RHCG: variants seen among roughly 807,000 people sequenced by gnomAD.
The protein encoded by RHCG is Rh family C glycoprotein, also known as ammonium transporter Rh type C.
RHCG carries 39 observed loss-of-function variants against 55.3 expected under a neutral mutation model. The observed-to-expected ratio is 0.70, with a 90% CI of 0.55 to 0.92. The LOEUF is 0.92. Ranked by LOEUF, RHCG falls within the 40% of genes least tolerant of loss-of-function variation. The pLI is 0.00. For synonymous variants in RHCG, 250 were observed against 246.8 expected (o/e 1.01, Z -0.12); for missense variants, 635 against 627.9 (o/e 1.01, Z -0.12).
rs139241842 is a variant in RHCG, at chr15:89,488,944, A to G, written c.185-1959T>C. Among the ~76,000 whole-genome samples the G allele has an allele frequency of 9.4e-4, 143 of 152,284 alleles. 1 individual carries two copies. The highest frequency in any genetic ancestry group is 2.8e-3 in the Admixed American group (43 of 15,288). On this transcript the variant is annotated intron_variant, in intron 1 of 10. Coordinates refer to ENST00000268122, the MANE Select transcript of RHCG (RefSeq NM_016321.3). The stretch of plus-strand genomic sequence containing the variant: ...GAAGAGAATATCCCCCTTCTTAGGA[A>G]ATATACTGGAATAGTTAAGGGTAGA...
intron 1 of RHCG, among the ~76,000 whole-genome samples, chr15:89,487,519 C>T (rs1961397803): frequency 6.6e-6 from 1 of 152,192 alleles, no homozygotes; most frequent in African/African-American, 2.4e-5. Context: ...CAATGCTCAT[C>T]CGGCCAAGGA....
At chr15:89,483,990 G>A (rs1285618019) in intron 2 of RHCG, among the ~76,000 whole-genome samples, 3 of 152,216 alleles carry the variant, frequency 2.0e-5, no homozygotes, top group Non-Finnish European at 4.4e-5. Flanking sequence ...CCCAAGCCTG[G>A]CCTCCTTGTC....
chr15:89,479,562 T>G (rs1961226812), intron 4 of RHCG, 74 bp from the exon 5 acceptor site: 1 of 1,378,696 alleles, frequency 7.3e-7, no homozygotes, highest in Non-Finnish European at 9.9e-7. Flanking sequence ...CAGGCAGGCA[T>G]CCTGTCCTTT....
chr15:89,477,030 A>G lies in RHCG; in HGVS notation c.1237+52T>C. On this transcript the variant is annotated intron_variant, in intron 8 of 10. Transcript: ENST00000268122. This position sits in a 1 kb window ranked among gnomAD's most constrained non-coding sequence, Gnocchi z 4.5. Reference sequence around the variant, plus strand: ...CCGCATGCCCTTTGCTTCTCCACCCAGGGAGCCCCACAGCAGCACCCCCCT... The same window carrying G: ...CCGCATGCCCTTTGCTTCTCCACCCGGGGAGCCCCACAGCAGCACCCCCCT... 6.2e-7 allele frequency: 1 copy of G among 1,611,294 alleles called. No homozygotes were observed. The highest frequency in any genetic ancestry group is 2.2e-5 in the East Asian group (1 of 44,826).
At chr15:89,479,655 T>A in intron 4 of RHCG, 167 bp from the exon 5 acceptor site, 1 of 637,416 alleles carries the variant, frequency 1.6e-6, no homozygotes, top group Non-Finnish European at 2.7e-6. Context: ...AGGCCCTCCC[T>A]GCCTTCCTTA....
intron 9 of RHCG, among the ~76,000 whole-genome samples, chr15:89,475,818 A>C (rs1961137568): frequency 6.6e-6 from 1 of 152,158 alleles, no homozygotes; most frequent in Non-Finnish European, 1.5e-5. Flanking sequence ...GAATGCTGTC[A>C]AAGCTCCCTA....
chr15:89,475,526 A>G (rs1961132259), intron 9 of RHCG, among the ~76,000 whole-genome samples: 1 of 152,176 alleles, frequency 6.6e-6, no homozygotes, highest in Admixed American at 6.5e-5. Flanking sequence ...GATTATAGGC[A>G]TGAGCCACTG....
chr15:89,473,606 CA>C (rs1328774859), intron 9 of RHCG, among the ~76,000 whole-genome samples: 2 of 151,960 alleles, frequency 1.3e-5, no homozygotes, highest in Non-Finnish European at 2.9e-5. Context: ...AAAGCAACAA[CA>C]AAAAATGACA....
intron 3 of RHCG, among the ~76,000 whole-genome samples, chr15:89,482,051 C>T (rs1273027989): frequency 6.6e-6 from 1 of 152,238 alleles, no homozygotes; most frequent in Non-Finnish European, 1.5e-5. Flanking sequence ...ATCTGCCTGC[C>T]TCGGCCTCCC....
chr15:89,475,196 T>TG, intron 9 of RHCG, among the ~76,000 whole-genome samples: 1 of 96,006 alleles, frequency 1.0e-5, no homozygotes, highest in South Asian at 3.8e-4. Flanking sequence ...CTGCCTTCCT[T>TG]CCTTCTTTCC....
chr15:89,493,885 C>A (rs1961519903), intron 1 of RHCG, among the ~76,000 whole-genome samples: 1 of 152,140 alleles, frequency 6.6e-6, no homozygotes, highest in Non-Finnish European at 1.5e-5. Flanking sequence ...ACACCACCTC[C>A]CTCACAGGTG....
chr15:89,484,980 AG>A (rs1161207490), intron 2 of RHCG, among the ~76,000 whole-genome samples: 1 of 152,010 alleles, frequency 6.6e-6, no homozygotes, highest in East Asian at 1.9e-4. Flanking sequence ...AGCCAGGGGG[AG>A]GGTCCACATC....
At chr15:89,475,818 A>G (rs1961137568) in intron 9 of RHCG, among the ~76,000 whole-genome samples, 1 of 152,276 alleles carries the variant, frequency 6.6e-6, no homozygotes, top group East Asian at 1.9e-4. Flanking sequence ...GAATGCTGTC[A>G]AAGCTCCCTA....
At chr15:89,472,393 C>G (rs1390579857) in intron 10 of RHCG, among the ~76,000 whole-genome samples, 1 of 152,286 alleles carries the variant, frequency 6.6e-6, no homozygotes, top group East Asian at 1.9e-4. Context: ...GGCCCAGTCT[C>G]TGGGGTGAAG....
In RHCG at chr15:89,472,686, T is replaced by G. The variant is rs748081546; in HGVS notation, c.*24+25A>C. 46 of 1,591,412 alleles carry G rather than the reference T, an allele frequency of 2.9e-5. No individual in the cohort carries two copies. The East Asian group carries it at 8.8e-4, about 31-fold the overall frequency. ...CCCCACTGGGAGAACCTCCCTGTCA[T>G]CCCCCAAGCCAAGCCCATGCTCACC... On this transcript the variant is annotated intron_variant, in intron 10 of 10. Transcript: ENST00000268122.
intron 1 of RHCG, among the ~76,000 whole-genome samples, chr15:89,489,017 G>T (rs1211791726): frequency 1.3e-5 from 2 of 152,158 alleles, no homozygotes; most frequent in Non-Finnish European, 2.9e-5. Flanking sequence ...GAAAAACAAA[G>T]CACACATGTG....
Position 89,486,794 on chromosome 15 carries a change from C to G in RHCG, c.371+5G>C. ...CCACGCCCCCGGGGCCCGCCCTGCG[C>G]TCACTTCTCCACGCCCACGACGATG... On this transcript the variant is annotated splice_donor_5th_base_variant and intron_variant, in intron 2 of 10. Transcript: ENST00000268122. The G allele has an allele frequency of 1.3e-6, 2 of 1,582,900 alleles. No homozygotes were observed. The highest frequency in any genetic ancestry group is 2.7e-5 in the African/African-American group (2 of 74,436).
intron 9 of RHCG, among the ~76,000 whole-genome samples, chr15:89,473,278 A>AAACTG (rs1335842701): frequency 6.6e-6 from 1 of 152,216 alleles, no homozygotes; most frequent in African/African-American, 2.4e-5. Flanking sequence ...CAAGCTCTGT[A>AAACTG]AACTGCAGAC....
chr15:89,476,986 G>T, intron 8 of RHCG, 96 bp downstream of exon 8: 2 of 1,572,008 alleles, frequency 1.3e-6, no homozygotes, highest in Non-Finnish European at 1.7e-6. Context: ...GGATTCCTGG[G>T]GGCTCAGGCT....
Sources: allele counts gnomAD v4.1 joint callset (sites outside exome capture counted in the v4.1 genomes callset), GRCh38; gene constraint gnomAD v4.1.1; non-coding constraint Gnocchi (gnomAD v3.1); transcripts MANE v1.5; gene names NCBI Gene and HGNC (gene_info 2026-07-23, HGNC 2026-07-21).